TBC1D31: variants seen among roughly 807,000 people sequenced by gnomAD.
TBC1D31 encodes WD repeat domain 67.
A neutral mutation model predicts 132.9 loss-of-function variants in TBC1D31; 99 were observed. The observed-to-expected ratio is 0.74, with a 90% CI of 0.63 to 0.88. The LOEUF is 0.88. Among genes scored for constraint, TBC1D31 ranks in the 40% least tolerant of loss-of-function variants. TBC1D31 has a pLI of 0.00. For synonymous variants in TBC1D31, 385 were observed against 419.4 expected, an observed-to-expected ratio of 0.92 and a Z score of 1.00; for missense variants, 1,134 against 1,256.6, an observed-to-expected ratio of 0.90 and a Z score of 1.48.
chr8:123,076,524 T>C (rs569276967), intron 1 of TBC1D31, among the ~76,000 whole-genome samples: 4 of 152,314 alleles, frequency 2.6e-5, no homozygotes, highest in South Asian at 2.1e-4. Context: ...TCTTAAAGCA[T>C]TTGTTCATTC....
intron 10 of TBC1D31, among the ~76,000 whole-genome samples, chr8:123,114,343 A>T (rs915085652): frequency 7.2e-6 from 1 of 139,344 alleles, no homozygotes; most frequent in Non-Finnish European, 1.6e-5. Context: ...TTGTTGAGAC[A>T]GAGTTTCCAC....
At chr8:123,141,709 C>T (rs1453229033) in intron 18 of TBC1D31, among the ~76,000 whole-genome samples, 1 of 151,910 alleles carries the variant, frequency 6.6e-6, no homozygotes, top group Non-Finnish European at 1.5e-5. Flanking sequence ...AGGCTTGTGT[C>T]CAGTCTGTTA....
At chr8:123,092,829 T>TTTTTTTTTTTTTTTA (rs1816468384) in intron 4 of TBC1D31, among the ~76,000 whole-genome samples, 1 of 146,158 alleles carries the variant, frequency 6.8e-6, no homozygotes, top group African/African-American at 2.5e-5. Context: ...TTTTTTTTTT[T>TTTTTTTTTTTTTTTA]GAGACGAAGG....
rs1346581559 is a variant in TBC1D31, at chr8:123,128,413, C to G, written c.2017C>G (p.Gln673Glu). 3.7e-6 allele frequency: 6 copies of G among 1,613,322 alleles called. No homozygotes were observed. The South Asian group carries it at 6.6e-5, about 18-fold the overall frequency. ...TGTTTTTGTTGCACTGACAAAAGGGCAGTATCCAGTATTTAATCAATATCC... is the reference window on the plus strand; with the variant it reads ...TGTTTTTGTTGCACTGACAAAAGGGGAGTATCCAGTATTTAATCAATATCC... ...LNVFVALTKG[Q>E]YPVFNQYPKF... Residue 673 changes from glutamine (Q) to glutamate (E), a missense_variant, in exon 14 of 22, where the codon CAG (glutamine) becomes GAG (glutamate). Coordinates refer to ENST00000287380, the MANE Select transcript of TBC1D31 (RefSeq NM_145647.4).
Position 123,101,008 on chromosome 8 carries a change from G to A in TBC1D31, c.1032+1G>A, listed in dbSNP as rs1434365117. 6.2e-7 allele frequency: 1 copy of A among 1,600,812 alleles called. No individual in the cohort carries two copies. The highest frequency in any genetic ancestry group is 1.1e-5 in the South Asian group (1 of 90,738). ...GGCTTTAACACAAGAAATAAATAAGGTATGTATGATGAAGTAATCAACATC... is the reference window on the plus strand; with the variant it reads ...GGCTTTAACACAAGAAATAAATAAGATATGTATGATGAAGTAATCAACATC... On this transcript the variant is annotated splice_donor_variant, in intron 7 of 21. Transcript: ENST00000287380. LOFTEE classifies it high-confidence loss of function.
chr8:123,107,876 C>T (rs1237824277), intron 8 of TBC1D31, among the ~76,000 whole-genome samples: 2 of 152,190 alleles, frequency 1.3e-5, no homozygotes, highest in African/African-American at 2.4e-5. Flanking sequence ...AAAGAAGGAA[C>T]TTTATCAGCT....
At chr8:123,102,453 A>G (rs1817534477) in intron 7 of TBC1D31, 1 of 342,750 alleles carries the variant, frequency 2.9e-6, no homozygotes, top group Non-Finnish European at 5.7e-6. Flanking sequence ...AAAAAATAAG[A>G]ATGTACAGAA....
chr8:123,110,643 C>T (rs1818354041), intron 10 of TBC1D31, among the ~76,000 whole-genome samples: 1 of 152,164 alleles, frequency 6.6e-6, no homozygotes, highest in Non-Finnish European at 1.5e-5. Flanking sequence ...ACTCACTCTA[C>T]ACCCCACATC....
intron 16 of TBC1D31, among the ~76,000 whole-genome samples, chr8:123,133,199 T>G (rs1340023797): frequency 6.6e-6 from 1 of 152,240 alleles, no homozygotes; most frequent in East Asian, 1.9e-4. Flanking sequence ...CTGTGGCACA[T>G]AGCTGTTTGT....
At chr8:123,139,120 T>G (rs1336381820) in intron 17 of TBC1D31, among the ~76,000 whole-genome samples, 1 of 150,404 alleles carries the variant, frequency 6.6e-6, no homozygotes, top group Non-Finnish European at 1.5e-5. Context: ...TATTTCTTGT[T>G]TTTTTTTTTT....
At chr8:123,125,148 A>G (rs1413960279) in intron 11 of TBC1D31, among the ~76,000 whole-genome samples, 1 of 152,150 alleles carries the variant, frequency 6.6e-6, no homozygotes, top group Non-Finnish European at 1.5e-5. Context: ...CTATTTTGAG[A>G]TAGGAGATCT....
chr8:123,087,709 A>G (rs1279147161), intron 4 of TBC1D31, among the ~76,000 whole-genome samples: 1 of 152,246 alleles, frequency 6.6e-6, no homozygotes, highest in Non-Finnish European at 1.5e-5. Context: ...TACGCTGAAT[A>G]GTTGCCAACG....
chr8:123,129,071 C>A lies in TBC1D31; in HGVS notation c.2123C>A (p.Thr708Lys), dbSNP rs771129679. The stretch of plus-strand genomic sequence containing the variant: ...AATAATATTACCTACTTAAGGCAGA[C>A]AGTTGAAGATATGCAAGCTAAAGTC... ...DELDYLRERQTVEDMQAKVDQ... is the reference protein window; with the variant it reads ...DELDYLRERQKVEDMQAKVDQ... The change falls in exon 15 of 22, where the codon ACA becomes AAA. Residue 708 changes from threonine (T) to lysine (K), a missense_variant. Thr to Lys is a moderately conservative substitution (Grantham distance 78). Coordinates refer to ENST00000287380, the MANE Select transcript of TBC1D31 (RefSeq NM_145647.4). 1.3e-6 allele frequency: 2 copies of A among 1,579,462 alleles called. No homozygotes were observed. Among genetic ancestry groups the A allele is most frequent in the Non-Finnish European group, 1.7e-6 (2 of 1,159,362 alleles).
At chr8:123,094,219 C>T (rs1036116669) in intron 5 of TBC1D31, among the ~76,000 whole-genome samples, 15 of 151,926 alleles carry the variant, frequency 9.9e-5, no homozygotes, top group Non-Finnish European at 2.1e-4. Flanking sequence ...CACGTGCCAC[C>T]ATACTGGCTA....
chr8:123,140,716 G>T, intron 17 of TBC1D31, 45 bp from the exon 18 acceptor site: 1 of 1,489,434 alleles, frequency 6.7e-7, no homozygotes, highest in Non-Finnish European at 9.2e-7. Flanking sequence ...TTGTATTCTA[G>T]CGTTATATAA....
chr8:123,096,211 C>T (rs1449604610), intron 5 of TBC1D31, among the ~76,000 whole-genome samples: 1 of 152,100 alleles, frequency 6.6e-6, no homozygotes, highest in African/African-American at 2.4e-5. Context: ...ATTCAACCCC[C>T]CACCCCTCAT....
downstream of TBC1D31, among the ~76,000 whole-genome samples, chr8:123,155,027 T>C (rs7008474): frequency 0.79 from 120,890 of 152,206 alleles, 48,700 homozygotes; most frequent in African/African-American, 0.93. The surrounding 1 kb of genome is among the most constrained non-coding windows in gnomAD (Gnocchi z 4.1). Context: ...CTGCCACGCT[T>C]ATACCATTGA....
chr8:123,124,068 A>G (rs74545454), intron 11 of TBC1D31, among the ~76,000 whole-genome samples: 1 of 120,410 alleles, frequency 8.3e-6, no homozygotes, highest in Non-Finnish European at 1.7e-5. Context: ...TCCATAATTG[A>G]AAAAAAAAAA....
At chr8:123,105,196 G>A (rs1415018469) in intron 7 of TBC1D31, 92 bp from the exon 8 acceptor site, 5 of 975,992 alleles carry the variant, frequency 5.1e-6, no homozygotes, top group Non-Finnish European at 6.8e-6. Context: ...ATTAAGGCAT[G>A]TTATTAAAGC....
Sources: allele counts gnomAD v4.1 joint callset (sites outside exome capture counted in the v4.1 genomes callset), GRCh38; gene constraint gnomAD v4.1.1; non-coding constraint Gnocchi (gnomAD v3.1); transcripts MANE v1.5; gene names NCBI Gene and HGNC (gene_info 2026-07-23, HGNC 2026-07-21).